PTGER3: variants seen among roughly 807,000 people sequenced by gnomAD.
PTGER3 encodes prostaglandin E2 receptor EP3 subtype.
In PTGER3, 22 loss-of-function variants were observed where a neutral mutation model predicts 34.7. That is an observed-to-expected ratio of 0.63 (90% CI 0.45 to 0.91). The LOEUF is 0.91. PTGER3 is among the 40% of genes least tolerant of loss of function. The probability of loss-of-function intolerance (pLI) is 0.00; values close to 1 mark genes in which losing one functional copy is unlikely to be tolerated. For missense variants in PTGER3, 468 were observed against 519.4 expected (o/e 0.90, Z 0.96); for synonymous variants, 241 against 230.1 (o/e 1.05, Z -0.43).
At chr1:70,978,473 C>A (rs1483733250) in intron 2 of PTGER3, among the ~76,000 whole-genome samples, 1 of 152,076 alleles carries the variant, frequency 6.6e-6, no homozygotes, top group Non-Finnish European at 1.5e-5. Context: ...GTAATAGGAG[C>A]AGCATTTGAC....
chr1:70,858,774 T>C (rs775955916), intron 4 of PTGER3, among the ~76,000 whole-genome samples: 1 of 152,222 alleles, frequency 6.6e-6, no homozygotes, highest in Admixed American at 6.5e-5. Flanking sequence ...TACCAACATT[T>C]GGTTTTTCAG....
chr1:70,874,668 T>G (rs1646236702), intron 4 of PTGER3, among the ~76,000 whole-genome samples: 1 of 152,182 alleles, frequency 6.6e-6, no homozygotes, highest in Non-Finnish European at 1.5e-5. Flanking sequence ...ATGTCTCTCC[T>G]TCTGTCTCTG....
At chr1:70,993,294 G>A (rs923977637) in intron 2 of PTGER3, among the ~76,000 whole-genome samples, 72 of 152,178 alleles carry the variant, frequency 4.7e-4, no homozygotes, top group African/African-American at 1.6e-3. Context: ...GAGAGACAGC[G>A]CAAGACTCCT....
chr1:71,014,736 C>CA (rs1657742922), intron 1 of PTGER3, among the ~76,000 whole-genome samples: 1 of 152,184 alleles, frequency 6.6e-6, no homozygotes. Context: ...ATCTTAGAAT[C>CA]TTCAGCTTCC....
chr1:71,019,073 G>T (rs1658171367), intron 1 of PTGER3, among the ~76,000 whole-genome samples: 1 of 152,202 alleles, frequency 6.6e-6, no homozygotes, highest in Non-Finnish European at 1.5e-5. Flanking sequence ...TCCATCTGTT[G>T]AGTCTTTATA....
chr1:71,040,121 A>AAAAG (rs1358244005), intron 1 of PTGER3, among the ~76,000 whole-genome samples: 1 of 151,778 alleles, frequency 6.6e-6, no homozygotes, highest in African/African-American at 2.4e-5. Context: ...AGAAAGAAAA[A>AAAAG]AAAGAAAGAG....
intron 1 of PTGER3, among the ~76,000 whole-genome samples, chr1:71,045,261 T>C (rs1294801478): frequency 6.6e-6 from 1 of 152,248 alleles, no homozygotes; most frequent in South Asian, 2.1e-4. Flanking sequence ...GATTTAAAAG[T>C]ATACATGGCG....
intron 2 of PTGER3, among the ~76,000 whole-genome samples, chr1:70,962,187 G>A (rs1317487815): frequency 2.0e-5 from 3 of 152,204 alleles, no homozygotes; most frequent in African/African-American, 4.8e-5. Context: ...ACAAGCCTAA[G>A]CTGCTCCTCT....
At chr1:71,012,006 C>A in intron 2 of PTGER3, 2 of 1,385,092 alleles carry the variant, frequency 1.4e-6, no homozygotes, top group Non-Finnish European at 9.3e-7. Context: ...AACAAAAACA[C>A]TAGACTGTTA....
At chr1:70,966,696 G>A (rs1304182048), downstream of PTGER3, among the ~76,000 whole-genome samples, 1 of 151,950 alleles carries the variant, frequency 6.6e-6, no homozygotes, top group Non-Finnish European at 1.5e-5. Flanking sequence ...GAGAACATGT[G>A]GTGTTTGGTT....
At chr1:70,958,510 C>T (rs1272973995) in intron 2 of PTGER3, among the ~76,000 whole-genome samples, 1 of 151,972 alleles carries the variant, frequency 6.6e-6, no homozygotes. Flanking sequence ...GGTCTTTTGC[C>T]ATTTTTTATC....
downstream of PTGER3, among the ~76,000 whole-genome samples, chr1:70,968,811 A>C (rs1256317056): frequency 2.0e-5 from 3 of 151,882 alleles, no homozygotes; most frequent in African/African-American, 4.8e-5. Context: ...TTCTCATTGT[A>C]TGAGAAGTAT....
At chr1:70,898,486 C>T (rs1646769964) in intron 4 of PTGER3, among the ~76,000 whole-genome samples, 1 of 152,158 alleles carries the variant, frequency 6.6e-6, no homozygotes, top group Non-Finnish European at 1.5e-5. Context: ...TCCTTGACCA[C>T]CAGTCTTCCA....
intron 1 of PTGER3, among the ~76,000 whole-genome samples, chr1:71,023,186 A>G (rs10399806): frequency 0.34 from 51,793 of 151,684 alleles, 9,584 homozygotes; most frequent in South Asian, 0.45. Flanking sequence ...TCCTCAGACA[A>G]GGCTGTTCCC....
chr1:70,857,266 A>G (rs1036912112), intron 4 of PTGER3, among the ~76,000 whole-genome samples: 1 of 152,060 alleles, frequency 6.6e-6, no homozygotes, highest in African/African-American at 2.4e-5. Context: ...AAATGCATTT[A>G]TTTTCTTTTC....
intron 4 of PTGER3, among the ~76,000 whole-genome samples, chr1:70,893,488 G>T (rs1016255688): frequency 3.9e-5 from 6 of 152,132 alleles, no homozygotes; most frequent in African/African-American, 1.4e-4. Flanking sequence ...GATTCCTGAG[G>T]AGCTGAGGAG....
chr1:70,922,533 C>G (rs1278013001), intron 4 of PTGER3, among the ~76,000 whole-genome samples: 2 of 152,090 alleles, frequency 1.3e-5, no homozygotes, highest in African/African-American at 2.4e-5. Flanking sequence ...ACTAGCTGTG[C>G]TGGAAAAAGC....
intron 2 of PTGER3, among the ~76,000 whole-genome samples, chr1:70,956,261 G>T (rs1221029170): frequency 2.6e-5 from 4 of 152,048 alleles, no homozygotes; most frequent in Non-Finnish European, 4.4e-5. Flanking sequence ...AAAATGATTT[G>T]TCCAGCTGTG....
chr1:70,889,686 C>A (rs971543982), intron 4 of PTGER3, among the ~76,000 whole-genome samples: 9 of 152,098 alleles, frequency 5.9e-5, no homozygotes, highest in Non-Finnish European at 1.3e-4. Flanking sequence ...GTGTTTAATT[C>A]TTTTCATATG....
Sources: gnomAD v4.1 joint callset for allele counts (sites outside exome capture counted in the v4.1 genomes callset) on GRCh38, gnomAD v4.1.1 for gene constraint, MANE v1.5 for transcripts, NCBI Gene and HGNC (gene_info 2026-07-23, HGNC 2026-07-21) for gene names.